The following FAM13A variants were observed in gnomAD, a reference collection of about 807,000 sequenced individuals.
The protein encoded by FAM13A is family with sequence similarity 13 member A.
In FAM13A, 76 loss-of-function variants were observed where a neutral mutation model predicts 129.6. The ratio of observed to expected loss-of-function variants is 0.59; its 90% CI spans 0.49 to 0.71. The LOEUF is 0.71. Among genes scored for constraint, FAM13A ranks in the 30% least tolerant of loss-of-function variants. The pLI, the probability that FAM13A is intolerant of heterozygous loss-of-function variation, is 0.00. For missense variants in FAM13A, 1,108 were observed against 1,249.3 expected, an observed-to-expected ratio of 0.89 and a Z score of 1.70; for synonymous variants, 443 against 449.9, an observed-to-expected ratio of 0.98 and a Z score of 0.20.
At chr4:88,991,965 C>T (rs561945132) in intron 3 of FAM13A, among the ~76,000 whole-genome samples, 5 of 152,268 alleles carry the variant, frequency 3.3e-5, no homozygotes, top group Non-Finnish European at 7.4e-5. Context: ...CACCATCCTC[C>T]AAATGATGTC....
At chr4:88,962,742 C>T (rs1758797166) in intron 4 of FAM13A, among the ~76,000 whole-genome samples, 1 of 152,176 alleles carries the variant, frequency 6.6e-6, no homozygotes, top group Non-Finnish European at 1.5e-5. Flanking sequence ...CACACATCAA[C>T]CTTTCTGGCC....
chr4:88,893,414 T>C (rs966556685), intron 6 of FAM13A, among the ~76,000 whole-genome samples: 2 of 152,102 alleles, frequency 1.3e-5, no homozygotes, highest in Non-Finnish European at 2.9e-5. Context: ...CACGAGGTCA[T>C]GAGATTGAGA....
chr4:88,818,165 T>C (rs752901901), intron 7 of FAM13A, among the ~76,000 whole-genome samples: 18 of 151,826 alleles, frequency 1.2e-4, no homozygotes, highest in Non-Finnish European at 2.5e-4. Context: ...TTTTTTTGTT[T>C]TTCTTTTTGT....
chr4:88,842,264 A>G (rs1328570669), intron 7 of FAM13A, among the ~76,000 whole-genome samples: 1 of 152,248 alleles, frequency 6.6e-6, no homozygotes, highest in Admixed American at 6.5e-5. Flanking sequence ...TGGGAGAAGG[A>G]CACTCCAGAT....
intron 4 of FAM13A, among the ~76,000 whole-genome samples, chr4:88,960,619 GAGAGA>G (rs1468477828): frequency 1.3e-5 from 2 of 152,124 alleles, no homozygotes; most frequent in Non-Finnish European, 2.9e-5. Context: ...TCAGCAAGAG[GAGAGA>G]AGAGAAAAGA....
In FAM13A at chr4:88,875,244, G is replaced by A. The variant is rs543554950; in HGVS notation, c.844-24061C>T. 1.1e-4 allele frequency among the ~76,000 whole-genome samples: 17 copies of A among 152,244 alleles called. No individual in the cohort carries two copies. In the East Asian group the frequency reaches 2.9e-3, roughly 26 times the overall value. On this transcript the variant is annotated intron_variant, in intron 6 of 23. Coordinates refer to ENST00000264344, the MANE Select transcript of FAM13A (RefSeq NM_014883.4). ...ACATAGGCATGGGCAAAGACTTCAT[G>A]GATAAAACACCAAAAGCAATGGCCA...
chr4:89,005,827 A>G (rs981761852), intron 3 of FAM13A, among the ~76,000 whole-genome samples: 1 of 152,108 alleles, frequency 6.6e-6, no homozygotes, highest in Non-Finnish European at 1.5e-5. Flanking sequence ...TGTCAGATGC[A>G]TAGTTTGCAA....
chr4:88,888,622 C>G (rs1004771202), intron 6 of FAM13A, among the ~76,000 whole-genome samples: 5 of 152,060 alleles, frequency 3.3e-5, no homozygotes, highest in Non-Finnish European at 7.4e-5. Context: ...CTTTGTCGTT[C>G]AAGGCTTAAA....
chr4:89,051,562 C>T (rs1335387561), intron 1 of FAM13A, among the ~76,000 whole-genome samples: 1 of 152,162 alleles, frequency 6.6e-6, no homozygotes, highest in Admixed American at 6.5e-5. Flanking sequence ...TTAACTCACT[C>T]CAGCATCAAC....
chr4:88,753,035 T>C (rs926163064), intron 14 of FAM13A, among the ~76,000 whole-genome samples: 4 of 152,244 alleles, frequency 2.6e-5, no homozygotes, highest in African/African-American at 9.6e-5. Flanking sequence ...TATTGGCATA[T>C]GAGTGTGCTG....
intron 1 of FAM13A, among the ~76,000 whole-genome samples, chr4:89,047,839 C>T (rs886772798): frequency 2.6e-5 from 4 of 152,094 alleles, no homozygotes; most frequent in African/African-American, 9.6e-5. Context: ...AAGAAACAGG[C>T]AAAAAATATG....
chr4:88,969,362 A>G (rs1201566010), intron 4 of FAM13A, among the ~76,000 whole-genome samples: 1 of 152,216 alleles, frequency 6.6e-6, no homozygotes, highest in Non-Finnish European at 1.5e-5. Flanking sequence ...TTGCCAATAC[A>G]GGATGAAGAG....
intron 6 of FAM13A, among the ~76,000 whole-genome samples, chr4:88,903,902 T>C (rs1438251693): frequency 6.6e-6 from 1 of 152,064 alleles, no homozygotes; most frequent in Non-Finnish European, 1.5e-5. Flanking sequence ...ACATCAAGTC[T>C]ACAAGGAACT....
chr4:88,876,763 T>C (rs1474358477), intron 6 of FAM13A, among the ~76,000 whole-genome samples: 1 of 152,120 alleles, frequency 6.6e-6, no homozygotes, highest in African/African-American at 2.4e-5. Context: ...AGCTAATTTT[T>C]TGTATTTTTA....
At chr4:88,870,152 T>C (rs1741108995) in intron 6 of FAM13A, among the ~76,000 whole-genome samples, 1 of 151,680 alleles carries the variant, frequency 6.6e-6, no homozygotes. Context: ...GCAATGGGCA[T>C]TCTAAGAGTG....
intron 4 of FAM13A, among the ~76,000 whole-genome samples, chr4:88,974,294 T>A (rs2148961443): frequency 6.6e-6 from 1 of 152,286 alleles, no homozygotes; most frequent in African/African-American, 2.4e-5. Context: ...ATTCTCTGTA[T>A]CTGCCTGTCT....
At chr4:88,758,051 T>C (rs181793526) in intron 14 of FAM13A, among the ~76,000 whole-genome samples, 24 of 152,298 alleles carry the variant, frequency 1.6e-4, no homozygotes, top group African/African-American at 5.3e-4. Flanking sequence ...TGCAGACACA[T>C]GGATAATGAA....
chr4:88,872,068 T>A (rs1212905564), intron 6 of FAM13A, among the ~76,000 whole-genome samples: 1 of 152,138 alleles, frequency 6.6e-6, no homozygotes, highest in Non-Finnish European at 1.5e-5. Context: ...GAAAGAGAAA[T>A]AAAATACTCT....
At chr4:88,834,879 A>G (rs190975297) in intron 7 of FAM13A, among the ~76,000 whole-genome samples, 76 of 152,164 alleles carry the variant, frequency 5.0e-4, no homozygotes, top group Non-Finnish European at 9.3e-4. Flanking sequence ...CCATTAGTCT[A>G]TTACCACCAC....
Sources: allele counts gnomAD v4.1 joint callset (sites outside exome capture counted in the v4.1 genomes callset), GRCh38; gene constraint gnomAD v4.1.1; transcripts MANE v1.5; gene names NCBI Gene and HGNC (gene_info 2026-07-23, HGNC 2026-07-21).